The following GLIS3 variants were observed in gnomAD, a reference collection of about 807,000 sequenced individuals.
The protein encoded by GLIS3 is GLIS family zinc finger 3, also known as zinc finger protein GLIS3.
Under a neutral mutation model 78.6 loss-of-function variants are expected in GLIS3, and 53 were observed. The ratio of observed to expected loss-of-function variants is 0.67; its 90% confidence interval spans 0.54 to 0.85. The LOEUF (loss-of-function observed/expected upper bound fraction) is 0.85, where lower values mean the gene tolerates loss of function less well. Among genes scored for constraint, GLIS3 ranks in the 40% least tolerant of loss-of-function variants. The pLI, the probability that GLIS3 is intolerant of heterozygous loss-of-function variation, is 0.00. For missense variants in GLIS3, 1,703 were observed against 1,231.1 expected (o/e 1.38, Z -5.74); for synonymous variants, 684 against 509.9 (o/e 1.34, Z -4.60).
intron 6 of GLIS3, among the ~76,000 whole-genome samples, chr9:3,908,950 C>G (rs564575599): frequency 5.5e-4 from 83 of 152,264 alleles, no homozygotes; most frequent in Non-Finnish European, 9.7e-4. Context: ...AAGCAAGACA[C>G]ACTTCCAAAG....
intron 6 of GLIS3, among the ~76,000 whole-genome samples, chr9:3,906,355 G>C (rs991830561): frequency 6.6e-6 from 1 of 152,188 alleles, no homozygotes; most frequent in African/African-American, 2.4e-5. Context: ...GGGAACCAGA[G>C]GGGGTGAGAA....
At chr9:4,348,700 A>G (rs192664106), upstream of GLIS3, among the ~76,000 whole-genome samples, 2 of 152,238 alleles carry the variant, frequency 1.3e-5, no homozygotes, top group East Asian at 3.8e-4. Flanking sequence ...TGTTAAACAA[A>G]TATGGTAAAT....
intron 1 of GLIS3, among the ~76,000 whole-genome samples, chr9:4,296,242 A>C (rs1816492891): frequency 6.6e-6 from 1 of 151,834 alleles, no homozygotes; most frequent in Non-Finnish European, 1.5e-5. Flanking sequence ...AACAGTGGAA[A>C]GAATGAATGT....
intron 4 of GLIS3, among the ~76,000 whole-genome samples, chr9:4,080,239 G>A (rs1199695172): frequency 6.6e-6 from 1 of 152,164 alleles, no homozygotes; most frequent in Non-Finnish European, 1.5e-5. Flanking sequence ...GCATTCGTAA[G>A]CATTTCCTGA....
the GLIS3 span, among the ~76,000 whole-genome samples, chr9:4,429,656 G>T: frequency 6.6e-6 from 1 of 152,098 alleles, no homozygotes; most frequent in East Asian, 1.9e-4. Context: ...TCCCCCAGTA[G>T]CACTGCAAGG....
At chr9:4,371,342 A>C in the GLIS3 span, among the ~76,000 whole-genome samples, 15 of 152,284 alleles carry the variant, frequency 9.9e-5, no homozygotes, top group Admixed American at 4.6e-4. Flanking sequence ...CTGTCCCCGA[A>C]GGCCCACTCC....
At chr9:4,380,282 T>C in the GLIS3 span, among the ~76,000 whole-genome samples, 1 of 152,250 alleles carries the variant, frequency 6.6e-6, no homozygotes, top group South Asian at 2.1e-4. Flanking sequence ...TCTGCTGTTA[T>C]TTGAAATCTT....
intron 1 of GLIS3, among the ~76,000 whole-genome samples, chr9:4,291,528 T>C (rs1815976316): frequency 6.6e-6 from 1 of 152,148 alleles, no homozygotes; most frequent in African/African-American, 2.4e-5. Context: ...CATGTCACTT[T>C]AAATTTAAAT....
rs780336568 is a variant in GLIS3, at chr9:4,118,593, C to A, written c.885G>T (p.Ser295=). Residue 295 remains serine (S), a synonymous_variant, in exon 4 of 11, where the codon TCG becomes TCT. Coordinates refer to ENST00000381971, the MANE Select transcript of GLIS3 (RefSeq NM_001042413.2). This position sits in a 1 kb window ranked among gnomAD's most constrained non-coding sequence, Gnocchi z 4.7. ...SPRHSSTRSH[S]ARSKKRALSL... Reference sequence around the variant, plus strand: ...ACAGCGCTCTCTTCTTGGAGCGGGCCGAGTGGGACCTGGTGGATGAGTGCC... The same window carrying A: ...ACAGCGCTCTCTTCTTGGAGCGGGCAGAGTGGGACCTGGTGGATGAGTGCC... 1.2e-6 allele frequency: 2 copies of A among 1,614,166 alleles called. No homozygotes were observed. Among genetic ancestry groups the A allele is most frequent in the East Asian group, 2.2e-5 (1 of 44,870 alleles).
At chr9:4,021,962 G>A (rs929237216) in intron 4 of GLIS3, among the ~76,000 whole-genome samples, 1 of 152,160 alleles carries the variant, frequency 6.6e-6, no homozygotes, top group Non-Finnish European at 1.5e-5. Context: ...AACAAAACAT[G>A]TTAAATAGCG....
chr9:3,828,627 G>C (rs1166201645), intron 10 of GLIS3, among the ~76,000 whole-genome samples: 1 of 152,236 alleles, frequency 6.6e-6, no homozygotes, highest in Admixed American at 6.5e-5. Context: ...ACAAAAGACA[G>C]GCTGAGAAGA....
intron 6 of GLIS3, among the ~76,000 whole-genome samples, chr9:3,922,611 G>A (rs1185341641): frequency 6.6e-6 from 1 of 151,962 alleles, no homozygotes; most frequent in Non-Finnish European, 1.5e-5. Context: ...AATTGCTGGG[G>A]GTAAGGTGGG....
At chr9:4,053,942 T>C (rs1825934086) in intron 4 of GLIS3, among the ~76,000 whole-genome samples, 1 of 152,230 alleles carries the variant, frequency 6.6e-6, no homozygotes, top group Non-Finnish European at 1.5e-5. Context: ...TTGAGTTTTG[T>C]TCTGTTTTGT....
In GLIS3 at chr9:4,025,020, G is replaced by A. The variant is rs144624632; in HGVS notation, c.1711-87831C>T. Among the ~76,000 whole-genome samples the A allele has an allele frequency of 7.6e-4, 116 of 152,172 alleles. 1 individual carries two copies. The highest frequency in any genetic ancestry group is 6.7e-3 in the South Asian group (32 of 4,812). On this transcript the variant is annotated intron_variant, in intron 4 of 10. Coordinates refer to ENST00000381971, the MANE Select transcript of GLIS3 (RefSeq NM_001042413.2). ...TCCCAGCACTTTGGGAGGCCGAAGCGGGCAGATCACCTTGAGGTCAGGAGT... is the reference window on the plus strand; with the variant it reads ...TCCCAGCACTTTGGGAGGCCGAAGCAGGCAGATCACCTTGAGGTCAGGAGT...
At chr9:4,296,558 T>C (rs921901712) in intron 1 of GLIS3, among the ~76,000 whole-genome samples, 1 of 152,138 alleles carries the variant, frequency 6.6e-6, no homozygotes, top group Non-Finnish European at 1.5e-5. Context: ...CCCTAGGTAT[T>C]CAACCTCTGA....
intron 1 of GLIS3, among the ~76,000 whole-genome samples, chr9:4,347,851 T>C (rs1817915173): frequency 1.3e-5 from 2 of 152,200 alleles, no homozygotes; most frequent in Non-Finnish European, 2.9e-5. Flanking sequence ...GTAATTTTTT[T>C]AGCCTTTTGA....
the GLIS3 span, among the ~76,000 whole-genome samples, chr9:4,455,251 G>C: frequency 6.6e-6 from 1 of 152,202 alleles, no homozygotes; most frequent in Non-Finnish European, 1.5e-5. Context: ...TGGCTAGCAT[G>C]AGATTGCCTT....
the GLIS3 span, among the ~76,000 whole-genome samples, chr9:4,462,544 G>T: frequency 2.6e-5 from 4 of 151,616 alleles, no homozygotes; most frequent in Non-Finnish European, 5.9e-5. Flanking sequence ...ATTGCTTGAA[G>T]CCAGGAGTTC....
the GLIS3 span, among the ~76,000 whole-genome samples, chr9:4,398,434 T>C: frequency 6.6e-6 from 1 of 152,040 alleles, no homozygotes; most frequent in African/African-American, 2.4e-5. Flanking sequence ...AAGTGTCCTC[T>C]ACCACTATTC....
Sources: gnomAD v4.1 joint callset for allele counts (sites outside exome capture counted in the v4.1 genomes callset) on GRCh38, gnomAD v4.1.1 for gene constraint, Gnocchi (gnomAD v3.1) non-coding constraint, MANE v1.5 for transcripts, NCBI Gene and HGNC (gene_info 2026-07-23, HGNC 2026-07-21) for gene names.